Variants in CTNNA2 observed in about 807,000 individuals in gnomAD.
The protein encoded by CTNNA2 is catenin alpha 2.
CTNNA2 carries 42 observed loss-of-function variants against 101.0 expected under a neutral mutation model. The ratio of observed to expected loss-of-function variants is 0.42; its 90% CI spans 0.32 to 0.54. The LOEUF (loss-of-function observed/expected upper bound fraction) is 0.54. Ranked by LOEUF, CTNNA2 falls within the 20% of genes least tolerant of loss-of-function variation. The pLI is 0.14. For missense variants in CTNNA2, 871 were observed against 1,223.1 expected (o/e 0.71, Z 4.29); for synonymous variants, 450 against 456.4 (o/e 0.99, Z 0.18).
intron 7 of CTNNA2, among the ~76,000 whole-genome samples, chr2:80,104,077 T>A (rs1382649289): frequency 6.6e-6 from 1 of 152,168 alleles, no homozygotes; most frequent in Non-Finnish European, 1.5e-5. Context: ...CTGAATAATG[T>A]TTTTAAGCCT....
chr2:79,797,180 A>G (rs10174601), intron 3 of CTNNA2, among the ~76,000 whole-genome samples: 23,676 of 152,166 alleles, frequency 0.16, 3,071 homozygotes, highest in East Asian at 0.38. Flanking sequence ...AAATATTGGA[A>G]GGACTAGAAT....
chr2:79,293,025 A>G (rs967857908), intron 2 of CTNNA2: 1 of 152,266 alleles, frequency 6.6e-6, no homozygotes, highest in African/African-American at 2.4e-5. Flanking sequence ...TCTCTTTGTC[A>G]CATTTTCATC....
chr2:79,321,538 C>G (rs10201398), intron 3 of CTNNA2, among the ~76,000 whole-genome samples: 39,107 of 152,142 alleles, frequency 0.26, 5,295 homozygotes, highest in Middle Eastern at 0.37. Flanking sequence ...TAGGGGTTCT[C>G]TTTGCTGAGT....
intron 9 of CTNNA2, among the ~76,000 whole-genome samples, chr2:80,424,252 C>T (rs763075999): frequency 6.8e-4 from 103 of 152,170 alleles, no homozygotes; most frequent in Non-Finnish European, 1.3e-3. Flanking sequence ...CCGTGCCCGG[C>T]CCAGCAAACA....
At chr2:80,518,345 C>T (rs538853734) in intron 9 of CTNNA2, among the ~76,000 whole-genome samples, 9 of 152,320 alleles carry the variant, frequency 5.9e-5, no homozygotes, top group Admixed American at 5.9e-4. Context: ...CTTCTTCCTA[C>T]ACCCACAGAA....
chr2:79,342,277 A>C, intron 3 of CTNNA2, among the ~76,000 whole-genome samples: 1 of 152,330 alleles, frequency 6.6e-6, no homozygotes, highest in Middle Eastern at 3.4e-3. Flanking sequence ...ATTGAAATAG[A>C]TTATGAATAA....
At chr2:79,687,441 C>A in intron 2 of CTNNA2, 1 of 448,940 alleles carries the variant, frequency 2.2e-6, no homozygotes, top group Non-Finnish European at 3.8e-6. Flanking sequence ...TCATTTGGAT[C>A]TGCTTTTTTT....
chr2:80,516,990 T>C (rs995233450), intron 9 of CTNNA2, among the ~76,000 whole-genome samples: 1 of 152,192 alleles, frequency 6.6e-6, no homozygotes, highest in Non-Finnish European at 1.5e-5. Flanking sequence ...TAAGTTCCAA[T>C]TGCTTTCTCT....
intron 3 of CTNNA2, among the ~76,000 whole-genome samples, chr2:79,793,981 A>G (rs67078753): frequency 0.21 from 32,163 of 151,090 alleles, 5,586 homozygotes; most frequent in East Asian, 0.53. Flanking sequence ...GGACTGTGGG[A>G]GGAAAGGGTG....
intron 3 of CTNNA2, among the ~76,000 whole-genome samples, chr2:79,769,674 A>C (rs1673430507): frequency 6.7e-6 from 1 of 150,296 alleles, no homozygotes; most frequent in African/African-American, 2.4e-5. Flanking sequence ...TCATAGCAGA[A>C]GTCTCTTAAA....
chr2:79,970,985 C>T (rs1690440444), intron 7 of CTNNA2, among the ~76,000 whole-genome samples: 1 of 152,140 alleles, frequency 6.6e-6, no homozygotes. Context: ...TTAGCAAGGA[C>T]ATTTACACAA....
chr2:79,307,273 A>G (rs889690127), intron 2 of CTNNA2, among the ~76,000 whole-genome samples: 8 of 152,158 alleles, frequency 5.3e-5, no homozygotes, highest in African/African-American at 1.7e-4. Context: ...GCTATTTGAA[A>G]TTATATCAGA....
chr2:80,400,894 G>T (rs1248288212), intron 8 of CTNNA2, among the ~76,000 whole-genome samples: 3 of 152,112 alleles, frequency 2.0e-5, no homozygotes, highest in African/African-American at 7.2e-5. Context: ...CCCCAGTTAT[G>T]ATTGCCCCAA....
At chr2:80,622,999 A>G (rs1377672938) in intron 18 of CTNNA2, among the ~76,000 whole-genome samples, 5 of 149,438 alleles carry the variant, frequency 3.3e-5, no homozygotes, top group Admixed American at 6.7e-5. Flanking sequence ...ATGGTGAAGT[A>G]GTATGATCAA....
rs114478240 is a variant in CTNNA2, at chr2:79,306,394, T to G, written c.-405-6315T>G. Among the ~76,000 whole-genome samples the G allele has an allele frequency of 8.7e-3, 1,326 of 152,366 alleles. 21 individuals are homozygous for G. The highest frequency in any genetic ancestry group is 0.03 in the African/African-American group (1,240 of 41,588). ...AAATGTATGTAAATAATGCATATAC[T>G]AATTAGTTTGATTTAGACATTTCAA... On this transcript the variant is annotated intron_variant, in intron 2 of 21. Coordinates refer to the CTNNA2 transcript ENST00000466387.
chr2:79,352,543 T>C (rs1677414943), intron 3 of CTNNA2, among the ~76,000 whole-genome samples: 1 of 152,202 alleles, frequency 6.6e-6, no homozygotes, highest in South Asian at 2.1e-4. Flanking sequence ...TAACTTTTGT[T>C]TGCATTGTTC....
At chr2:79,979,139 G>T (rs953123850) in intron 7 of CTNNA2, among the ~76,000 whole-genome samples, 3 of 152,142 alleles carry the variant, frequency 2.0e-5, no homozygotes, top group Non-Finnish European at 4.4e-5. Flanking sequence ...TAATCCCCGA[G>T]ACTCCAGAGG....
intron 6 of CTNNA2, among the ~76,000 whole-genome samples, chr2:79,887,344 A>G (rs1319347773): frequency 6.6e-6 from 1 of 152,228 alleles, no homozygotes; most frequent in Non-Finnish European, 1.5e-5. Flanking sequence ...ATATATTGAA[A>G]TAGTGTTTTG....
intron 1 of CTNNA2, among the ~76,000 whole-genome samples, chr2:79,650,238 A>G (rs1573572359): frequency 6.7e-6 from 1 of 149,986 alleles, no homozygotes; most frequent in East Asian, 2.0e-4. Flanking sequence ...TGCTACCTGC[A>G]TGTCAGTGGT....
Sources: gnomAD v4.1 joint callset for allele counts (sites outside exome capture counted in the v4.1 genomes callset) on GRCh38, gnomAD v4.1.1 for gene constraint, MANE v1.5 for transcripts, NCBI Gene and HGNC (gene_info 2026-07-23, HGNC 2026-07-21) for gene names.